The following PCDHGA2 variants were observed in gnomAD, a reference collection of about 807,000 sequenced individuals.
The protein encoded by PCDHGA2 is protocadherin gamma subfamily A, 2.
Under a neutral mutation model 59.2 loss-of-function variants are expected in PCDHGA2, and 40 were observed. That is an observed-to-expected ratio of 0.68 (90% CI 0.52 to 0.88). The LOEUF (loss-of-function observed/expected upper bound fraction) is 0.88. Ranked by LOEUF, PCDHGA2 falls within the 40% of genes least tolerant of loss-of-function variation. The probability of loss-of-function intolerance (pLI) is 0.00; values close to 1 mark genes in which losing one functional copy is unlikely to be tolerated. For missense variants in PCDHGA2, 1,226 were observed against 1,204.0 expected, an observed-to-expected ratio of 1.02 and a Z score of -0.27; for synonymous variants, 560 against 526.0, an observed-to-expected ratio of 1.06 and a Z score of -0.89.
intron 1 of PCDHGA2, chr5:141,417,544 C>A: frequency 3.2e-6 from 1 of 308,860 alleles, no homozygotes; most frequent in Non-Finnish European, 5.9e-6. Context: ...AAAAAAATTC[C>A]TTGAAAGAGG....
intron 1 of PCDHGA2, chr5:141,430,826 C>A: frequency 6.4e-7 from 1 of 1,550,416 alleles, no homozygotes; most frequent in Non-Finnish European, 8.7e-7. Flanking sequence ...CCTGGGGACT[C>A]TGTGGGAGAC....
chr5:141,450,006 C>CTTTT (rs1554136305), intron 1 of PCDHGA2, among the ~76,000 whole-genome samples: 4 of 132,984 alleles, frequency 3.0e-5, no homozygotes, highest in South Asian at 2.3e-4. Flanking sequence ...TGCCATGTCT[C>CTTTT]TTTTTTTTTT....
chr5:141,369,379 T>G (rs1268907990), intron 1 of PCDHGA2, among the ~76,000 whole-genome samples: 1 of 152,066 alleles, frequency 6.6e-6, no homozygotes, highest in Non-Finnish European at 1.5e-5. Flanking sequence ...TTGTAAAAGT[T>G]TTTCATTTGG....
At chr5:141,355,372 G>A (rs554075435) in intron 1 of PCDHGA2, 1 of 1,614,030 alleles carries the variant, frequency 6.2e-7, no homozygotes, top group African/African-American at 1.3e-5. Context: ...GGCGCCCCGG[G>A]AGCTGGCGGA....
At chr5:141,497,969 C>T (rs1595499086) in intron 2 of PCDHGA2, among the ~76,000 whole-genome samples, 1 of 152,160 alleles carries the variant, frequency 6.6e-6, no homozygotes. Flanking sequence ...GCAGTGTTCT[C>T]GATGTGGGAG....
chr5:141,485,587 G>C lies in PCDHGA2; in HGVS notation c.2425-9220G>C. 6.2e-7 allele frequency: 1 copy of C among 1,612,652 alleles called. No individual in the cohort carries two copies. The highest frequency in any genetic ancestry group is 1.7e-5 in the Admixed American group (1 of 59,982). On this transcript the variant is annotated intron_variant, in intron 1 of 3. Coordinates refer to ENST00000394576, the MANE Select transcript of PCDHGA2 (RefSeq NM_018915.4). This position sits in a 1 kb window ranked among gnomAD's most constrained non-coding sequence, Gnocchi z 5.7. ...CCCCCCGTTTTCCGCGGCAGCAGCT[G>C]GACTTGGAAATTGGGGAGGCAGCTC... is the stretch of plus-strand genomic sequence containing the variant.
chr5:141,380,196 G>A (rs1002706852), intron 1 of PCDHGA2, among the ~76,000 whole-genome samples: 3 of 152,110 alleles, frequency 2.0e-5, no homozygotes, highest in Non-Finnish European at 2.9e-5. Flanking sequence ...CACTGAGCCC[G>A]GCCTGAAAGG....
intron 1 of PCDHGA2, chr5:141,427,571 G>T (rs1199845374): frequency 9.1e-6 from 6 of 662,944 alleles, no homozygotes; most frequent in Non-Finnish European, 1.7e-5. Context: ...GCAAGCCTCC[G>T]CTCTCATCCA....
At chr5:141,422,074 C>A (rs886758924) in intron 1 of PCDHGA2, 1 of 1,612,264 alleles carries the variant, frequency 6.2e-7, no homozygotes, top group African/African-American at 1.3e-5. Flanking sequence ...GTATTCATTT[C>A]GGAACATGGA....
rs2094361083 is a variant in PCDHGA2 at position 141,403,148 on chromosome 5, A to T, written c.2424+61753A>T. The T allele has an allele frequency of 2.5e-6, 4 of 1,614,050 alleles. No homozygotes were observed. The South Asian group carries it at 4.4e-5, about 18-fold the overall frequency. On this transcript the variant is annotated intron_variant, in intron 1 of 3. Coordinates refer to ENST00000394576, the MANE Select transcript of PCDHGA2 (RefSeq NM_018915.4). ...GGAGCTGGCGGAGCGCCGAGTCCGC[A>T]TCGTCTCTAGAGGTAGGACGCAGCT...
chr5:141,404,722 G>C (rs1335640902), intron 1 of PCDHGA2: 2 of 1,614,138 alleles, frequency 1.2e-6, no homozygotes, highest in South Asian at 1.1e-5. Flanking sequence ...TGGTGACCAA[G>C]GTGGTGGCAG....
At chr5:141,429,408 T>A (rs2097213256) in intron 1 of PCDHGA2, among the ~76,000 whole-genome samples, 1 of 151,838 alleles carries the variant, frequency 6.6e-6, no homozygotes, top group Non-Finnish European at 1.5e-5. Flanking sequence ...GAGATTAAGG[T>A]CTCATTATGT....
intron 1 of PCDHGA2, among the ~76,000 whole-genome samples, chr5:141,400,896 A>G (rs193291751): frequency 2.6e-5 from 4 of 152,214 alleles, no homozygotes; most frequent in Admixed American, 2.6e-4. Context: ...TAATCATTTA[A>G]TTCATCTTTT....
chr5:141,460,455 A>AT (rs2098989699), intron 1 of PCDHGA2, among the ~76,000 whole-genome samples: 1 of 152,080 alleles, frequency 6.6e-6, no homozygotes, highest in Non-Finnish European at 1.5e-5. Flanking sequence ...GAAGATTCAT[A>AT]TTTTTTTCCA....
intron 1 of PCDHGA2, chr5:141,409,054 T>TA: frequency 6.2e-7 from 1 of 1,614,028 alleles, no homozygotes; most frequent in African/African-American, 1.3e-5. Flanking sequence ...TCCGAAGCAC[T>TA]GCCCAGAGCA....
intron 1 of PCDHGA2, chr5:141,399,995 G>T (rs1042095164): frequency 1.9e-6 from 3 of 1,612,094 alleles, no homozygotes; most frequent in Non-Finnish European, 2.5e-6. Context: ...GGAGAGGTGC[G>T]CACAGCGCGT....
Position 141,405,636 on chromosome 5 carries a change from G to A in PCDHGA2, c.2424+64241G>A, listed in dbSNP as rs546836247. 7 of 528,588 alleles carry A rather than the reference G, an allele frequency of 1.3e-5. 1 individual carries two copies. The highest frequency in any genetic ancestry group is 8.1e-5 in the South Asian group (3 of 37,242). The allele number at this position is 528,588 out of a possible 1,614,324, so 32.7% of individuals were successfully genotyped here. A position where few individuals can be genotyped will look rare whatever the true frequency, so the allele number is the denominator to read the frequency against. On this transcript the variant is annotated intron_variant, in intron 1 of 3. Coordinates refer to ENST00000394576, the MANE Select transcript of PCDHGA2 (RefSeq NM_018915.4). ...ACTACAGGCACGTGCCACCACGCCC[G>A]GCTAATTTTTTGTGTGTTTTTAGTA...
At chr5:141,472,786 G>A (rs549389294) in intron 1 of PCDHGA2, among the ~76,000 whole-genome samples, 1 of 151,888 alleles carries the variant, frequency 6.6e-6, no homozygotes, top group Non-Finnish European at 1.5e-5. Flanking sequence ...GGGAGTTCAA[G>A]ATCAGCCTGA....
chr5:141,401,512 A>G (rs556332375), intron 1 of PCDHGA2, among the ~76,000 whole-genome samples: 2 of 152,374 alleles, frequency 1.3e-5, no homozygotes, highest in South Asian at 4.1e-4. Context: ...CCACCTCTAT[A>G]TAATTACCAG....
Sources: gnomAD v4.1 joint callset for allele counts (sites outside exome capture counted in the v4.1 genomes callset) on GRCh38, gnomAD v4.1.1 for gene constraint, Gnocchi (gnomAD v3.1) non-coding constraint, MANE v1.5 for transcripts, NCBI Gene and HGNC (gene_info 2026-07-23, HGNC 2026-07-21) for gene names.